PDIA6: variants seen among roughly 807,000 people sequenced by gnomAD.
The protein encoded by PDIA6 is protein disulfide-isomerase A6.
In PDIA6, 29 loss-of-function variants were observed where a neutral mutation model predicts 58.4. The ratio of observed to expected loss-of-function variants is 0.50; its 90% CI spans 0.37 to 0.68. The LOEUF (loss-of-function observed/expected upper bound fraction) is 0.68, where lower values mean the gene tolerates loss of function less well. Among genes scored for constraint, PDIA6 ranks in the 30% least tolerant of loss-of-function variants. PDIA6 has a pLI of 0.00. For synonymous variants in PDIA6, 192 were observed against 202.6 expected (o/e 0.95, Z 0.44); for missense variants, 480 against 551.0 (o/e 0.87, Z 1.29).
chr2:10,801,676 A>G (rs757669061), intron 2 of PDIA6, among the ~76,000 whole-genome samples: 4 of 152,228 alleles, frequency 2.6e-5, no homozygotes, highest in Non-Finnish European at 4.4e-5. Context: ...TTTTACCTCC[A>G]TTTGCTACAC....
At chr2:10,823,926 C>T (rs765019343) in intron 1 of PDIA6, among the ~76,000 whole-genome samples, 8 of 151,544 alleles carry the variant, frequency 5.3e-5, no homozygotes, top group Admixed American at 2.0e-4. Context: ...CTCCTTTTCT[C>T]AATTCGGGAC....
chr2:10,820,335 A>G (rs943844593), intron 1 of PDIA6, among the ~76,000 whole-genome samples: 1 of 152,190 alleles, frequency 6.6e-6, no homozygotes, highest in African/African-American at 2.4e-5. Flanking sequence ...CAGGTGTGTC[A>G]TTTGTATAAG....
Position 10,788,256 on chromosome 2 carries a change from A to AC in PDIA6, c.998+440dup, listed in dbSNP as rs1665871290. On this transcript the variant is annotated intron_variant, in intron 10 of 12. Coordinates refer to ENST00000272227, the MANE Select transcript of PDIA6 (RefSeq NM_005742.4). ...TGCCTGCTAACCTGGCACTCCAATCACCATGTAAAACATGATTCCTATGAG... is the reference window on the plus strand; with the variant it reads ...TGCCTGCTAACCTGGCACTCCAATCACCCATGTAAAACATGATTCCTATGAG... Among the ~76,000 whole-genome samples, 3 of 152,214 alleles carry AC rather than the reference A, an allele frequency of 2.0e-5. No individual in the cohort carries two copies. The South Asian group carries it at 6.2e-4, about 32-fold the overall frequency.
At chr2:10,825,524 C>G (rs914030410) in intron 1 of PDIA6, among the ~76,000 whole-genome samples, 1 of 152,056 alleles carries the variant, frequency 6.6e-6, no homozygotes, top group Non-Finnish European at 1.5e-5. Context: ...CAAAGGGCAC[C>G]ATCAAGGAAG....
chr2:10,790,872 C>CTGTGTCTCAA, intron 6 of PDIA6, 39 bp from the exon 7 acceptor site: 1 of 1,489,922 alleles, frequency 6.7e-7, no homozygotes, highest in Non-Finnish European at 9.3e-7. Flanking sequence ...TTCTTTGAGA[C>CTGTGTCTCAA]ACAGTCTCTC....
upstream of PDIA6, among the ~76,000 whole-genome samples, chr2:10,816,831 G>A (rs1415676532): frequency 3.3e-5 from 5 of 152,152 alleles, no homozygotes; most frequent in Non-Finnish European, 4.4e-5. Context: ...TGTTGGGGGC[G>A]GAGGGTGGAG....
At chr2:10,786,981 ATATGAGACCTT>A (rs1665793590) in intron 11 of PDIA6, among the ~76,000 whole-genome samples, 1 of 152,214 alleles carries the variant, frequency 6.6e-6, no homozygotes, top group African/African-American at 2.4e-5. Context: ...CCTCTAGCCC[ATATGAGACCTT>A]TATGAGAATG....
intron 1 of PDIA6, among the ~76,000 whole-genome samples, chr2:10,807,138 C>T (rs1666799345): frequency 6.6e-6 from 1 of 152,196 alleles, no homozygotes; most frequent in Non-Finnish European, 1.5e-5. Flanking sequence ...AATGGAATAT[C>T]CTCAGACTAT....
At chr2:10,819,324 G>A (rs1206988577) in exon 2 of PDIA6, 2 of 1,539,266 alleles carry the variant, frequency 1.3e-6, no homozygotes, top group Admixed American at 2.0e-5. Flanking sequence ...ACTTTTCCTT[G>A]ATAGGGAGTG....
chr2:10,793,227 TC>T, intron 4 of PDIA6, 25 bp from the exon 5 acceptor site: 2 of 1,485,680 alleles, frequency 1.3e-6, no homozygotes, highest in Non-Finnish European at 1.9e-6. Flanking sequence ...AGGTAGGCGG[TC>T]CTCAGCCCGG....
At position 10,808,597 on chromosome 2, in the gene PDIA6, C is replaced by T. The variant is rs1273300563; in HGVS notation, c.19+4081G>A. Reference sequence around the variant, plus strand: ...CCAGAGTCAGAAGAGGAGCGGGAACCCAGTCAGTGATGGAGTAGCCTTTGA... The same window carrying T: ...CCAGAGTCAGAAGAGGAGCGGGAACTCAGTCAGTGATGGAGTAGCCTTTGA... On this transcript the variant is annotated intron_variant, in intron 1 of 12. Coordinates refer to ENST00000272227, the MANE Select transcript of PDIA6 (RefSeq NM_005742.4). Among the ~76,000 whole-genome samples the T allele has an allele frequency of 5.3e-5, 8 of 152,134 alleles. No homozygotes were observed. The East Asian group carries it at 1.4e-3, about 26-fold the overall frequency.
intron 10 of PDIA6, among the ~76,000 whole-genome samples, chr2:10,788,219 T>C (rs906505950): frequency 6.6e-6 from 1 of 152,216 alleles, no homozygotes; most frequent in Non-Finnish European, 1.5e-5. Context: ...GGTGCACTAC[T>C]CCTTATGTGT....
upstream of PDIA6, chr2:10,837,386 G>A (rs1205113634): frequency 3.3e-6 from 2 of 604,072 alleles, no homozygotes; most frequent in Admixed American, 2.8e-5. Context: ...CACTCAATAT[G>A]ACAAGATTAA....
At chr2:10,825,159 C>G (rs367812031) in intron 1 of PDIA6, among the ~76,000 whole-genome samples, 1 of 152,276 alleles carries the variant, frequency 6.6e-6, no homozygotes, top group Non-Finnish European at 1.5e-5. Context: ...AGTTTTGGGA[C>G]TTGGACTGGC....
chr2:10,785,341 T>C (rs1216180470), intron 11 of PDIA6, among the ~76,000 whole-genome samples: 1 of 152,210 alleles, frequency 6.6e-6, no homozygotes, highest in East Asian at 1.9e-4. Context: ...ATTATCAAAG[T>C]TGATCTAGAA....
At chr2:10,799,887 T>G (rs1425789395) in intron 2 of PDIA6, among the ~76,000 whole-genome samples, 2 of 149,726 alleles carry the variant, frequency 1.3e-5, no homozygotes, top group Non-Finnish European at 1.5e-5. Context: ...ATAAAAATTT[T>G]GGGAATCCCT....
chr2:10,801,225 C>G (rs959438639), intron 2 of PDIA6, among the ~76,000 whole-genome samples: 8 of 152,108 alleles, frequency 5.3e-5, no homozygotes, highest in African/African-American at 1.9e-4. Context: ...CTGTAGTGAG[C>G]CGTGATCATG....
chr2:10,821,085 G>A lies in PDIA6; in HGVS notation c.-47-1731C>T. 5 of 494,890 alleles carry A rather than the reference G, an allele frequency of 1.0e-5. No individual in the cohort carries two copies. The Admixed American group carries it at 1.7e-4, about 17-fold the overall frequency. 30.7% of individuals were successfully genotyped at this position (494,890 alleles called of 1,614,324 possible). A position where few individuals can be genotyped will look rare whatever the true frequency, so the allele number is the denominator to read the frequency against. ...GTCGTGTTTTAAAACAGCCTTCGGA[G>A]ATTTGGAATGCCCTCTTCTCACTTT... is the stretch of plus-strand genomic sequence containing the variant. On this transcript the variant is annotated intron_variant, in intron 1 of 13. Coordinates refer to the PDIA6 transcript ENST00000381611.
chr2:10,828,749 A>T (rs1316609983), intron 1 of PDIA6, among the ~76,000 whole-genome samples: 1 of 152,190 alleles, frequency 6.6e-6, no homozygotes, highest in Non-Finnish European at 1.5e-5. Flanking sequence ...TGGGGCACAA[A>T]TGTGCTACAC....
Sources: gnomAD v4.1 joint callset for allele counts (sites outside exome capture counted in the v4.1 genomes callset) on GRCh38, gnomAD v4.1.1 for gene constraint, MANE v1.5 for transcripts, NCBI Gene and HGNC (gene_info 2026-07-23, HGNC 2026-07-21) for gene names.